RBM33: variants seen among roughly 807,000 people sequenced by gnomAD.
The protein encoded by RBM33 is RNA binding motif protein 33.
Under a neutral mutation model 132.6 loss-of-function variants are expected in RBM33, and 28 were observed. The ratio of observed to expected loss-of-function variants is 0.21; its 90% CI spans 0.16 to 0.29. The LOEUF (loss-of-function observed/expected upper bound fraction) is 0.29. RBM33 is among the 10% of genes least tolerant of loss of function. The pLI is 1.00. For synonymous variants in RBM33, 634 were observed against 593.0 expected (o/e 1.07, Z -1.01); for missense variants, 1,291 against 1,518.5 (o/e 0.85, Z 2.49).
At chr7:155,717,017 T>A (rs148931225) in intron 8 of RBM33, among the ~76,000 whole-genome samples, 1 of 152,346 alleles carries the variant, frequency 6.6e-6, no homozygotes, top group Non-Finnish European at 1.5e-5. Flanking sequence ...ATGGAATTCC[T>A]TGAGTAATCA....
At chr7:155,739,667 G>A (rs3801906) in intron 11 of RBM33, 48 bp from the exon 12 acceptor site, 301,173 of 1,483,964 alleles carry the variant, frequency 0.2, 32,375 homozygotes, top group African/African-American at 0.33. Flanking sequence ...GATTATGCCC[G>A]GTGTAACCAT....
rs1802227659 is a variant in RBM33 at position 155,766,580 on chromosome 7, G to A, written c.3300G>A (p.Val1100=). 6.2e-7 allele frequency: 1 copy of A among 1,613,144 alleles called. No homozygotes were observed. Among genetic ancestry groups the A allele is most frequent in the Non-Finnish European group, 8.5e-7 (1 of 1,179,596 alleles). ...VVECKPQPCV[V]SVEGLSSSTT... ...AGTGCAAGCCCCAGCCCTGCGTGGTGTCTGTGGAGGGGCTGTCCTCGTCCA... is the reference window on the plus strand; with the variant it reads ...AGTGCAAGCCCCAGCCCTGCGTGGTATCTGTGGAGGGGCTGTCCTCGTCCA... Residue 1100 remains valine (V), a synonymous_variant, in exon 16 of 18, where the codon GTG becomes GTA. Coordinates refer to ENST00000401878, the MANE Select transcript of RBM33 (RefSeq NM_053043.3).
intron 16 of RBM33, among the ~76,000 whole-genome samples, chr7:155,772,222 C>T (rs1015855842): frequency 1.3e-5 from 2 of 152,104 alleles, no homozygotes; most frequent in Non-Finnish European, 2.9e-5. Flanking sequence ...GCCGGAAGAA[C>T]GGAGAGAACC....
At chr7:155,679,182 A>C (rs544345544) in intron 4 of RBM33, among the ~76,000 whole-genome samples, 1 of 152,298 alleles carries the variant, frequency 6.6e-6, no homozygotes, top group South Asian at 2.1e-4. Flanking sequence ...AAAAAAAAAA[A>C]AACAAAAAAC....
chr7:155,680,549 C>G, intron 4 of RBM33, 41 bp from the exon 5 acceptor site: 1 of 1,390,792 alleles, frequency 7.2e-7, no homozygotes, highest in Non-Finnish European at 9.6e-7. Flanking sequence ...GAGCTCCTCT[C>G]TTCATTGGGT....
At chr7:155,714,441 G>T (rs1189428428) in intron 8 of RBM33, among the ~76,000 whole-genome samples, 1 of 152,186 alleles carries the variant, frequency 6.6e-6, no homozygotes, top group African/African-American at 2.4e-5. Context: ...AGGACTGGAG[G>T]CAGAGGTGGC....
At chr7:155,711,478 G>A (rs1800297644) in intron 8 of RBM33, 23 bp downstream of exon 8, 1 of 1,365,202 alleles carries the variant, frequency 7.3e-7, no homozygotes, top group Non-Finnish European at 9.6e-7. Flanking sequence ...TTTTACTATT[G>A]TAAAGCATAG....
At chr7:155,703,427 T>G (rs1401475377) in intron 6 of RBM33, among the ~76,000 whole-genome samples, 1 of 152,112 alleles carries the variant, frequency 6.6e-6, no homozygotes, top group African/African-American at 2.4e-5. Flanking sequence ...CTAGTGACCA[T>G]TCTCAGAAAC....
In RBM33 at chr7:155,767,562, C is replaced by G. The variant is rs187510928; in HGVS notation, c.3375+907C>G. On this transcript the variant is annotated intron_variant, in intron 16 of 17. Transcript: ENST00000401878. ...TAATTAATGTACATGTTTTAGATCTCCATCTGCTGTTGACAGTTCCTAAAA... is the reference window on the plus strand; with the variant it reads ...TAATTAATGTACATGTTTTAGATCTGCATCTGCTGTTGACAGTTCCTAAAA... Among the ~76,000 whole-genome samples, 8 of 152,300 alleles carry G rather than the reference C, an allele frequency of 5.3e-5. No homozygotes were observed. The East Asian group carries it at 1.3e-3, about 26-fold the overall frequency.
chr7:155,723,676 T>C (rs1800690395), intron 9 of RBM33, among the ~76,000 whole-genome samples: 1 of 152,186 alleles, frequency 6.6e-6, no homozygotes, highest in Admixed American at 6.5e-5. Flanking sequence ...ATGCGTTGCA[T>C]GTGTTGGATA....
At chr7:155,689,982 A>T (rs866343318) in intron 5 of RBM33, among the ~76,000 whole-genome samples, 1 of 152,214 alleles carries the variant, frequency 6.6e-6, no homozygotes, top group African/African-American at 2.4e-5. Context: ...GATGTCTATT[A>T]GGTCCGCTTG....
At chr7:155,768,996 G>A (rs1802317739) in intron 16 of RBM33, among the ~76,000 whole-genome samples, 1 of 152,164 alleles carries the variant, frequency 6.6e-6, no homozygotes, top group African/African-American at 2.4e-5. Flanking sequence ...AGCCAGTTTT[G>A]TTCTCAGATT....
In RBM33 at chr7:155,706,846, A is replaced by G. The variant is rs754248567; in HGVS notation, c.740-14A>G. The G allele has an allele frequency of 2.5e-6, 4 of 1,584,358 alleles. No individual in the cohort carries two copies. The highest frequency in any genetic ancestry group is 2.3e-5 in the East Asian group (1 of 43,878). On this transcript the variant is annotated splice_polypyrimidine_tract_variant and intron_variant, in intron 6 of 17. Transcript: ENST00000401878. ...CTCGGAAAGTAACTAACACATACAC[A>G]TTTTTTCACATAGAGCTTTCAGCAG...
At chr7:155,702,394 T>G (rs1233997795) in intron 6 of RBM33, among the ~76,000 whole-genome samples, 5 of 152,244 alleles carry the variant, frequency 3.3e-5, no homozygotes, top group African/African-American at 1.2e-4. Flanking sequence ...CTACTCCATC[T>G]TGTGGCCCAA....
intron 12 of RBM33, among the ~76,000 whole-genome samples, chr7:155,741,097 T>C (rs1220526773): frequency 6.6e-6 from 1 of 152,212 alleles, no homozygotes; most frequent in Non-Finnish European, 1.5e-5. Flanking sequence ...AAAAGATTTC[T>C]AAATCTGAGA....
At chr7:155,772,686 C>A (rs901738288) in intron 16 of RBM33, among the ~76,000 whole-genome samples, 1 of 152,144 alleles carries the variant, frequency 6.6e-6, no homozygotes, top group South Asian at 2.1e-4. Context: ...TTTTACTGAA[C>A]TTGTTTCAGA....
chr7:155,687,950 G>A (rs2116935193), intron 5 of RBM33, among the ~76,000 whole-genome samples: 1 of 152,286 alleles, frequency 6.6e-6, no homozygotes, highest in African/African-American at 2.4e-5. Flanking sequence ...GATTGTCTTG[G>A]CAATGTGGGA....
rs765683721 is a variant in RBM33, at chr7:155,745,644, A to G, written c.2979+42A>G. 1.1e-4 allele frequency: 157 copies of G among 1,454,052 alleles called. No individual in the cohort carries two copies. The highest frequency in any genetic ancestry group is 1.4e-4 in the Non-Finnish European group (150 of 1,083,348). 90.1% of individuals were successfully genotyped at this position (1,454,052 alleles called of 1,614,324 possible). On this transcript the variant is annotated intron_variant, in intron 14 of 17. Coordinates refer to ENST00000401878, the MANE Select transcript of RBM33 (RefSeq NM_053043.3). This position sits in a 1 kb window ranked among gnomAD's most constrained non-coding sequence, Gnocchi z 4.1. ...TATGAGAGCCTCTTTGAGTCTGTGT[A>G]TCACATAGAATGTCCTCATTTGCAG... is the stretch of plus-strand genomic sequence containing the variant.
chr7:155,661,122 GTGTGTGTGTA>G (rs1234112166), intron 1 of RBM33, among the ~76,000 whole-genome samples: 2 of 64,966 alleles, frequency 3.1e-5, no homozygotes, highest in African/African-American at 1.1e-4. Flanking sequence ...GTGTGTGTGT[GTGTGTGTGTA>G]TATATATATA....
Sources: gnomAD v4.1 joint callset for allele counts (sites outside exome capture counted in the v4.1 genomes callset) on GRCh38, gnomAD v4.1.1 for gene constraint, Gnocchi (gnomAD v3.1) non-coding constraint, MANE v1.5 for transcripts, NCBI Gene and HGNC (gene_info 2026-07-23, HGNC 2026-07-21) for gene names.